The following GOLGA3 variants were observed in gnomAD, a reference collection of about 807,000 sequenced individuals.
The protein encoded by GOLGA3 is golgin subfamily A member 3.
In GOLGA3, 75 loss-of-function variants were observed where a neutral mutation model predicts 169.4. The observed-to-expected ratio is 0.44, with a 90% confidence interval of 0.37 to 0.54. The LOEUF is 0.54. Among genes scored for constraint, GOLGA3 ranks in the 20% least tolerant of loss-of-function variants. The pLI, the probability that GOLGA3 is intolerant of heterozygous loss-of-function variation, is 0.00. For missense variants in GOLGA3, 1,899 were observed against 1,930.0 expected (o/e 0.98, Z 0.30); for synonymous variants, 824 against 822.4 (o/e 1.00, Z -0.03).
rs145979965 is a variant in GOLGA3, at chr12:132,795,948, C to A, written c.2373G>T (p.Glu791Asp). Residue 791 changes from glutamate (E) to aspartate (D), a missense_variant, in exon 11 of 24, where the codon GAG (glutamate) becomes GAT (aspartate). By Grantham distance (45) the Glu-to-Asp change is conservative. Coordinates refer to ENST00000450791, the MANE Select transcript of GOLGA3 (RefSeq NM_001389683.1). ...ALQAAKSGKE[E>D]LDRGARRLEE... ...CCAAGCGTCTTGCTCCTCTGTCAAG[C>A]TCCTCCTTGCCACTCTTGGCCGCCT... 1.2e-6 allele frequency: 2 copies of A among 1,614,114 alleles called. No homozygotes were observed. Among genetic ancestry groups the A allele is most frequent in the Admixed American group, 3.3e-5 (2 of 60,024 alleles).
chr12:132,798,259 CG>C, intron 9 of GOLGA3, 80 bp downstream of exon 9: 1 of 1,308,506 alleles, frequency 7.6e-7, no homozygotes, highest in South Asian at 1.4e-5. Context: ...CACAGAGAGA[CG>C]GAACATGTAA....
At chr12:132,818,687 A>T (rs1486769690) in intron 2 of GOLGA3, among the ~76,000 whole-genome samples, 1 of 152,258 alleles carries the variant, frequency 6.6e-6, no homozygotes, top group Non-Finnish European at 1.5e-5. Context: ...AGCAGTGTTA[A>T]TCAGAGTCAC....
chr12:132,784,056 G>T (rs765178332), intron 16 of GOLGA3, 108 bp downstream of exon 16: 55 of 1,553,508 alleles, frequency 3.5e-5, no homozygotes, highest in Non-Finnish European at 4.2e-5. Context: ...AAGTAGCAAC[G>T]CTGGGCACAC....
chr12:132,821,842 A>G (rs1347985088), intron 2 of GOLGA3, among the ~76,000 whole-genome samples, 154 bp downstream of exon 2: 4 of 121,762 alleles, frequency 3.3e-5, no homozygotes, highest in African/African-American at 1.2e-4. Context: ...CGAAAGAGCG[A>G]GACTCCGTCT....
chr12:132,803,755 A>C (rs1949246989), intron 7 of GOLGA3, among the ~76,000 whole-genome samples: 1 of 152,192 alleles, frequency 6.6e-6, no homozygotes, highest in African/African-American at 2.4e-5. Flanking sequence ...CCAGTCTCAC[A>C]GCCTCATAGG....
intron 13 of GOLGA3, among the ~76,000 whole-genome samples, chr12:132,788,229 GCTC>G (rs2046030333): frequency 6.6e-6 from 1 of 152,102 alleles, no homozygotes; most frequent in South Asian, 2.1e-4. Flanking sequence ...CCTCAGCCTG[GCTC>G]CTAATGAGCC....
chr12:132,773,802 C>A (rs1737024129), intron 23 of GOLGA3, among the ~76,000 whole-genome samples: 1 of 143,118 alleles, frequency 7.0e-6, no homozygotes, highest in African/African-American at 2.6e-5. Context: ...GAGTCCCCCT[C>A]CCCCTTTATA....
chr12:132,795,225 C>G (rs1023851979), intron 11 of GOLGA3, among the ~76,000 whole-genome samples: 1 of 151,160 alleles, frequency 6.6e-6, no homozygotes, highest in African/African-American at 2.4e-5. Flanking sequence ...GGCGCGGTGG[C>G]TCACGCCTGT....
At chr12:132,773,443 G>C (rs1329200473) in intron 23 of GOLGA3, 149 bp from the exon 24 acceptor site, 1 of 448,136 alleles carries the variant, frequency 2.2e-6, no homozygotes. Context: ...AAGCTCAGCT[G>C]TTCTCAGCAC....
intron 23 of GOLGA3, 69 bp from the exon 24 acceptor site, chr12:132,773,363 C>G (rs756705119): frequency 9.9e-7 from 1 of 1,006,530 alleles, no homozygotes; most frequent in South Asian, 1.8e-5. Context: ...CACCTGTGGA[C>G]AGCGTCACTC....
chr12:132,821,910 C>A, intron 2 of GOLGA3, 86 bp downstream of exon 2: 1 of 796,856 alleles, frequency 1.3e-6, no homozygotes, highest in Non-Finnish European at 2.0e-6. Context: ...ACAGTGGTCT[C>A]AACGCCACAT....
At chr12:132,783,421 A>G (rs1291319975) in intron 16 of GOLGA3, among the ~76,000 whole-genome samples, 1 of 152,148 alleles carries the variant, frequency 6.6e-6, no homozygotes, top group Non-Finnish European at 1.5e-5. Context: ...GGTGGGCATG[A>G]GCAAAACCAC....
Position 132,795,582 on chromosome 12 carries a change from G to A in GOLGA3, c.2469+270C>T, listed in dbSNP as rs373254893. On this transcript the variant is annotated intron_variant, in intron 11 of 23. Coordinates refer to ENST00000450791, the MANE Select transcript of GOLGA3 (RefSeq NM_001389683.1). ...TTGAGACTAGCCTGGCCAACATGGC[G>A]AAACCCCATCTCTACTACAAATACA... Among the ~76,000 whole-genome samples, 41 of 151,618 alleles carry A rather than the reference G, an allele frequency of 2.7e-4. No individual in the cohort carries two copies. The East Asian group carries it at 5.3e-3, about 19-fold the overall frequency.
At chr12:132,802,064 G>A in intron 7 of GOLGA3, 95 bp from the exon 8 acceptor site, 1 of 936,780 alleles carries the variant, frequency 1.1e-6, no homozygotes, top group Non-Finnish European at 1.6e-6. Context: ...GACTCTCAGG[G>A]GAGACCAAGA....
chr12:132,786,479 T>G lies in GOLGA3; in HGVS notation c.2983A>C (p.Lys995Gln). ...ACGGCGTTCTCGTAGGCCTTATGTT[T>G]GGTCTTCATCTCCTTCTGGGCGCTG... is the stretch of plus-strand genomic sequence containing the variant. ...LTSAQKEMKT[K>Q]HKAYENAVGI... The change falls in exon 15 of 24, where the codon AAA becomes CAA. Residue 995 changes from lysine to glutamine, a missense_variant. Transcript: ENST00000450791. 6.2e-7 allele frequency: 1 copy of G among 1,613,874 alleles called. No individual in the cohort carries two copies. Among genetic ancestry groups the G allele is most frequent in the Non-Finnish European group, 8.5e-7 (1 of 1,179,986 alleles).
At chr12:132,785,728 G>A (rs770559858) in intron 15 of GOLGA3, among the ~76,000 whole-genome samples, 1 of 152,224 alleles carries the variant, frequency 6.6e-6, no homozygotes, top group Admixed American at 6.5e-5. Flanking sequence ...TAAGTTGTCA[G>A]TGCAAGGACG....
chr12:132,783,551 C>T (rs1307855434), intron 16 of GOLGA3, among the ~76,000 whole-genome samples: 3 of 151,600 alleles, frequency 2.0e-5, no homozygotes, highest in Non-Finnish European at 4.4e-5. Flanking sequence ...AGCGCTGAAG[C>T]GAGAACTGTC....
chr12:132,800,464 A>T (rs1949076653), intron 8 of GOLGA3, among the ~76,000 whole-genome samples: 3 of 152,236 alleles, frequency 2.0e-5, no homozygotes, highest in Admixed American at 2.0e-4. Flanking sequence ...ACTGTACTCC[A>T]GCCTGGGAGA....
rs144957424 is a variant in GOLGA3 at position 132,816,709 on chromosome 12, C to T, written c.237G>A (p.Pro79=). 2.7e-3 allele frequency: 4,300 copies of T among 1,614,090 alleles called. 21 individuals carry two copies. Among genetic ancestry groups the T allele is most frequent in the South Asian group, 8.3e-3 (755 of 91,090 alleles). ...GGCTTGTGGTGGGATCGAGAGACGA[C>T]GGAGGGTCTGGGAAGGGTGGCGTTG... ...NGPTPPFPDP[P]SSLDPTTSPV... Residue 79 remains proline, a synonymous_variant, in exon 3 of 24, where the codon CCG becomes CCA. Coordinates refer to ENST00000450791, the MANE Select transcript of GOLGA3 (RefSeq NM_001389683.1).
Sources: gnomAD v4.1 joint callset for allele counts (sites outside exome capture counted in the v4.1 genomes callset) on GRCh38, gnomAD v4.1.1 for gene constraint, MANE v1.5 for transcripts, NCBI Gene and HGNC (gene_info 2026-07-23, HGNC 2026-07-21) for gene names.